The following GAD1 variants were observed in gnomAD, a reference collection of about 807,000 sequenced individuals.
GAD1 encodes the protein glutamate decarboxylase 1.
A neutral mutation model predicts 75.2 loss-of-function variants in GAD1; 35 were observed. The observed-to-expected ratio is 0.47, with a 90% CI of 0.36 to 0.62. GAD1 has a LOEUF of 0.62. GAD1 is among the 20% of genes least tolerant of loss of function. The pLI, the probability that GAD1 is intolerant of heterozygous loss-of-function variation, is 0.00. For missense variants in GAD1, 490 were observed against 758.5 expected (o/e 0.65, Z 4.16); for synonymous variants, 257 against 271.9 (o/e 0.95, Z 0.54).
At chr2:170,827,963 C>T (rs532413805) in intron 3 of GAD1, among the ~76,000 whole-genome samples, 1 of 152,216 alleles carries the variant, frequency 6.6e-6, no homozygotes, top group South Asian at 2.1e-4. Context: ...TTACGTTCAA[C>T]CCTGTGAGCA....
chr2:170,820,290 C>T (rs979469313), intron 2 of GAD1, among the ~76,000 whole-genome samples: 1 of 152,202 alleles, frequency 6.6e-6, no homozygotes, highest in Admixed American at 6.5e-5. Context: ...GTAGGAGACA[C>T]AACAGAGGCG....
chr2:170,843,710 T>C, intron 6 of GAD1: 1 of 251,624 alleles, frequency 4.0e-6, no homozygotes, highest in Non-Finnish European at 7.8e-6. Flanking sequence ...TGTCCTATAA[T>C]CTTAGAGGTA....
intron 3 of GAD1, among the ~76,000 whole-genome samples, chr2:170,827,584 T>C (rs759897159): frequency 1.2e-4 from 18 of 152,210 alleles, no homozygotes; most frequent in Non-Finnish European, 7.3e-5. Flanking sequence ...CCTGCTCACC[T>C]TGGGCAGGAG....
chr2:170,832,661 C>T (rs540766589), intron 5 of GAD1, among the ~76,000 whole-genome samples: 1,221 of 30,734 alleles, frequency 0.04, 6 homozygotes, highest in Admixed American at 0.1. Context: ...TGCGCGCGCG[C>T]GCGCACACAC....
chr2:170,818,503 C>A lies in GAD1; in HGVS notation c.-63-26C>A. On this transcript the variant is annotated intron_variant, in intron 1 of 16. Coordinates refer to ENST00000358196, the MANE Select transcript of GAD1 (RefSeq NM_000817.3). This position sits in a 1 kb window ranked among gnomAD's most constrained non-coding sequence, Gnocchi z 5.9. ...TGTGCAGGACCCCGGAAGTCCTCCC[C>A]GCACAGCTCTCGCTTCTCTTTGCAG... The A allele has an allele frequency of 7.9e-7, 1 of 1,262,456 alleles. No individual in the cohort carries two copies. Among genetic ancestry groups the A allele is most frequent in the Non-Finnish European group, 1.2e-6 (1 of 860,028 alleles). 78.2% of individuals were successfully genotyped at this position (1,262,456 alleles called of 1,614,324 possible).
At position 170,860,124 on chromosome 2, in the gene GAD1, A is replaced by C. The variant is rs182824071; in HGVS notation, c.*242A>C. On this transcript the variant is annotated 3_prime_UTR_variant, in exon 17 of 17. Coordinates refer to ENST00000358196, the MANE Select transcript of GAD1 (RefSeq NM_000817.3). ...TGTACAGTTATACATACCTCTCTCT[A>C]TATATACATGTATAGTGAGTGTGGC... 2.0e-4 allele frequency: 98 copies of C among 502,310 alleles called. 1 individual carries two copies. The East Asian group carries it at 3.6e-3, about 18-fold the overall frequency. 31.1% of individuals were successfully genotyped at this position (502,310 alleles called of 1,614,324 possible). A position where few individuals can be genotyped will look rare whatever the true frequency, so the allele number is the denominator to read the frequency against.
chr2:170,819,720 T>C (rs139159697), intron 2 of GAD1, among the ~76,000 whole-genome samples: 263 of 152,264 alleles, frequency 1.7e-3, no homozygotes, highest in African/African-American at 6.0e-3. Context: ...ATGTAATTAA[T>C]TGTATGAATT....
At chr2:170,816,863 G>A, upstream of GAD1, 1 of 154,998 alleles carries the variant, frequency 6.5e-6, no homozygotes, top group Non-Finnish European at 1.4e-5. Flanking sequence ...CCCCGGAGCC[G>A]TGCAGCCGCC....
At chr2:170,846,322 T>C (rs556108727) in intron 10 of GAD1, among the ~76,000 whole-genome samples, 1 of 152,374 alleles carries the variant, frequency 6.6e-6, no homozygotes, top group African/African-American at 2.4e-5. Flanking sequence ...TGGTTTGATG[T>C]TCTTCAATAA....
intron 10 of GAD1, among the ~76,000 whole-genome samples, chr2:170,846,804 A>AT (rs1702641856): frequency 6.6e-6 from 1 of 152,118 alleles, no homozygotes; most frequent in Admixed American, 6.5e-5. Flanking sequence ...CCAGGAATTC[A>AT]AGACCAGCCT....
At chr2:170,835,061 C>T (rs1177517574) in intron 5 of GAD1, among the ~76,000 whole-genome samples, 2 of 152,104 alleles carry the variant, frequency 1.3e-5, no homozygotes, top group East Asian at 1.9e-4. Flanking sequence ...CATGAGCCAC[C>T]GTGCCTGGCC....
rs537611229 is a variant in GAD1 at position 170,846,291 on chromosome 2, A to C, written c.1002+228A>C. ...ATTTGGTCATTAAACTATTTGTCCT[A>C]TCTTCATTGTGCCAAGTGATTGGTT... On this transcript the variant is annotated intron_variant, in intron 10 of 16. Transcript: ENST00000358196. Among the ~76,000 whole-genome samples, 4 of 152,340 alleles carry C rather than the reference A, an allele frequency of 2.6e-5. No homozygotes were observed. In the East Asian group the frequency reaches 7.7e-4, roughly 29 times the overall value.
chr2:170,843,763 G>T, intron 6 of GAD1: 1 of 421,008 alleles, frequency 2.4e-6, no homozygotes, highest in Non-Finnish European at 4.4e-6. Context: ...CTATTCCTCT[G>T]GGTGGACCAT....
chr2:170,833,558 T>C (rs1702294687), intron 5 of GAD1, among the ~76,000 whole-genome samples: 2 of 152,266 alleles, frequency 1.3e-5, no homozygotes, highest in African/African-American at 2.4e-5. Flanking sequence ...ATTTTGAACT[T>C]TGCCAGTTTG....
At chr2:170,827,033 C>A (rs1350383711) in intron 3 of GAD1, among the ~76,000 whole-genome samples, 1 of 151,860 alleles carries the variant, frequency 6.6e-6, no homozygotes, top group Admixed American at 6.6e-5. Flanking sequence ...AGTGTATTTC[C>A]CCCCTTCTCA....
In GAD1 at chr2:170,853,507, T is replaced by G; in HGVS notation, c.1264-366T>G. ...GCCAGAGCGCTTTTGGAGAGAAAAATTCTTCACAGCATGAAACTATCCCAC... is the reference window on the plus strand; with the variant it reads ...GCCAGAGCGCTTTTGGAGAGAAAAAGTCTTCACAGCATGAAACTATCCCAC... On this transcript the variant is annotated intron_variant, in intron 13 of 16. Coordinates refer to ENST00000358196, the MANE Select transcript of GAD1 (RefSeq NM_000817.3). This position sits in a 1 kb window ranked among gnomAD's most constrained non-coding sequence, Gnocchi z 4.1. 3.7e-6 allele frequency: 1 copy of G among 273,894 alleles called. No individual in the cohort carries two copies. The highest frequency in any genetic ancestry group is 4.5e-5 in the Admixed American group (1 of 22,214). 17.0% of individuals were successfully genotyped at this position (273,894 alleles called of 1,614,324 possible). A position where few individuals can be genotyped will look rare whatever the true frequency, so the allele number is the denominator to read the frequency against.
At position 170,853,159 on chromosome 2, in the gene GAD1, T is replaced by C. The variant is rs1205741759; in HGVS notation, c.1263+367T>C. Reference sequence around the variant, plus strand: ...AGCACTCACTGGAGCATACTCGGAGTTCTTAGTATAAACGTGTGGTCCCAA... The same window carrying C: ...AGCACTCACTGGAGCATACTCGGAGCTCTTAGTATAAACGTGTGGTCCCAA... On this transcript the variant is annotated intron_variant, in intron 13 of 16. Transcript: ENST00000358196. This position sits in a 1 kb window ranked among gnomAD's most constrained non-coding sequence, Gnocchi z 4.1. 3.3e-5 allele frequency: 11 copies of C among 328,370 alleles called. No homozygotes were observed. The highest frequency in any genetic ancestry group is 3.5e-5 in the Non-Finnish European group (6 of 171,434). The allele number at this position is 328,370 out of a possible 1,614,324, so 20.3% of individuals were successfully genotyped here.
intron 6 of GAD1, 38 bp from the exon 7 acceptor site, chr2:170,844,007 T>G: frequency 8.7e-7 from 1 of 1,154,058 alleles, no homozygotes; most frequent in Admixed American, 1.7e-5. Flanking sequence ...GTTTGACTTC[T>G]TTATTTTCTT....
At chr2:170,836,681 A>C (rs531930957) in intron 5 of GAD1, 112 bp from the exon 6 acceptor site, 3 of 772,126 alleles carry the variant, frequency 3.9e-6, no homozygotes, top group Non-Finnish European at 7.0e-6. Flanking sequence ...CTTATTCGAC[A>C]TATCACTGGG....
Sources: gnomAD v4.1 joint callset for allele counts (sites outside exome capture counted in the v4.1 genomes callset) on GRCh38, gnomAD v4.1.1 for gene constraint, Gnocchi (gnomAD v3.1) non-coding constraint, MANE v1.5 for transcripts, NCBI Gene and HGNC (gene_info 2026-07-23, HGNC 2026-07-21) for gene names.